LRRC4C: variants seen among roughly 807,000 people sequenced by gnomAD.
The protein encoded by LRRC4C is leucine-rich repeat-containing protein 4C.
Under a neutral mutation model 33.6 loss-of-function variants are expected in LRRC4C, and 5 were observed. The ratio of observed to expected loss-of-function variants is 0.15; its 90% CI spans 0.08 to 0.31. LRRC4C has a LOEUF of 0.31. Ranked by LOEUF, LRRC4C falls within the 10% of genes least tolerant of loss-of-function variation. The pLI is 1.00. For synonymous variants in LRRC4C, 329 were observed against 302.0 expected (o/e 1.09, Z -0.93); for missense variants, 560 against 796.7 (o/e 0.70, Z 3.58).
chr11:41,107,184 T>A (rs971921123), intron 1 of LRRC4C, among the ~76,000 whole-genome samples: 1 of 151,866 alleles, frequency 6.6e-6, no homozygotes, highest in Non-Finnish European at 1.5e-5. Flanking sequence ...ATGTTGGTAC[T>A]CAAAAAAGTT....
chr11:40,252,334 G>A (rs935648943), intron 4 of LRRC4C, among the ~76,000 whole-genome samples: 1 of 151,364 alleles, frequency 6.6e-6, no homozygotes, highest in African/African-American at 2.4e-5. Context: ...ACACATATAT[G>A]TATATACATA....
chr11:40,727,878 A>G (rs1015486449), intron 2 of LRRC4C, among the ~76,000 whole-genome samples: 7 of 151,928 alleles, frequency 4.6e-5, no homozygotes, highest in African/African-American at 1.7e-4. Flanking sequence ...GCAAAACCCT[A>G]TCTCTACTAA....
At chr11:40,139,552 C>A (rs1440824709) in intron 6 of LRRC4C, among the ~76,000 whole-genome samples, 1 of 152,046 alleles carries the variant, frequency 6.6e-6, no homozygotes, top group Non-Finnish European at 1.5e-5. Context: ...TTCAGGCGAA[C>A]CCCAAATTAG....
intron 1 of LRRC4C, among the ~76,000 whole-genome samples, chr11:40,999,361 C>G (rs1219294894): frequency 3.9e-5 from 6 of 152,122 alleles, no homozygotes; most frequent in South Asian, 2.1e-4. Context: ...AATTAAAACT[C>G]TACTACGGAC....
intron 1 of LRRC4C, among the ~76,000 whole-genome samples, chr11:41,390,785 G>A (rs1341068433): frequency 6.6e-6 from 1 of 151,782 alleles, no homozygotes; most frequent in Non-Finnish European, 1.5e-5. Flanking sequence ...TTTCTTTGAT[G>A]TATGTGCTTG....
intron 2 of LRRC4C, among the ~76,000 whole-genome samples, chr11:40,651,097 C>A (rs142155348): frequency 2.5e-4 from 38 of 152,306 alleles, no homozygotes; most frequent in African/African-American, 9.1e-4. Context: ...AAATTTACTC[C>A]TCTTCCTAAC....
chr11:41,041,919 G>T (rs1857462660), intron 1 of LRRC4C, among the ~76,000 whole-genome samples: 1 of 152,058 alleles, frequency 6.6e-6, no homozygotes, highest in Non-Finnish European at 1.5e-5. Context: ...AAATTTTGTG[G>T]ATCTGATTTG....
At chr11:40,437,513 C>A (rs1951193603) in intron 3 of LRRC4C, among the ~76,000 whole-genome samples, 1 of 151,708 alleles carries the variant, frequency 6.6e-6, no homozygotes, top group Non-Finnish European at 1.5e-5. Context: ...CCTGCCTCAG[C>A]CTCCTGGGTA....
intron 2 of LRRC4C, among the ~76,000 whole-genome samples, chr11:40,823,443 TAAAA>T (rs1952028338): frequency 6.6e-6 from 1 of 151,212 alleles, no homozygotes; most frequent in Admixed American, 6.6e-5. Context: ...ATGAAGAAAA[TAAAA>T]AGGGAAGCAA....
At chr11:40,433,621 C>T (rs1236955583) in intron 3 of LRRC4C, among the ~76,000 whole-genome samples, 1 of 152,174 alleles carries the variant, frequency 6.6e-6, no homozygotes, top group East Asian at 1.9e-4. Flanking sequence ...AGTTTTGCCT[C>T]TCAGCAGCAG....
intron 1 of LRRC4C, among the ~76,000 whole-genome samples, chr11:41,064,782 C>T (rs1048777842): frequency 6.6e-6 from 1 of 152,200 alleles, no homozygotes; most frequent in African/African-American, 2.4e-5. Context: ...GGAGCAGAAG[C>T]AGGGTGGGGC....
At chr11:41,009,196 C>T (rs1854989905) in intron 1 of LRRC4C, among the ~76,000 whole-genome samples, 1 of 151,738 alleles carries the variant, frequency 6.6e-6, no homozygotes, top group African/African-American at 2.4e-5. Context: ...GTAAATTTGA[C>T]ATTGTTTTGA....
chr11:41,250,258 A>C (rs1053095083), intron 1 of LRRC4C, among the ~76,000 whole-genome samples: 1 of 152,218 alleles, frequency 6.6e-6, no homozygotes, highest in African/African-American at 2.4e-5. Flanking sequence ...TAGTTGTTTC[A>C]CAAAAGTTAG....
At chr11:41,448,761 C>T (rs1955923686) in intron 1 of LRRC4C, among the ~76,000 whole-genome samples, 1 of 152,152 alleles carries the variant, frequency 6.6e-6, no homozygotes, top group Admixed American at 6.5e-5. Flanking sequence ...TTTGTCCTGA[C>T]ATTTGCTATA....
chr11:40,871,679 C>T (rs1484380420), intron 2 of LRRC4C, among the ~76,000 whole-genome samples: 4 of 152,220 alleles, frequency 2.6e-5, no homozygotes, highest in South Asian at 4.1e-4. Context: ...TCAGAGTTAT[C>T]TCTTCCACCT....
At chr11:41,120,546 C>A (rs896855302) in intron 1 of LRRC4C, among the ~76,000 whole-genome samples, 1 of 152,128 alleles carries the variant, frequency 6.6e-6, no homozygotes, top group African/African-American at 2.4e-5. Flanking sequence ...ATTTCTTGTG[C>A]TCCTCACTGT....
intron 1 of LRRC4C, among the ~76,000 whole-genome samples, chr11:41,454,012 C>T (rs1192454803): frequency 2.0e-5 from 3 of 151,992 alleles, no homozygotes; most frequent in Non-Finnish European, 4.4e-5. Context: ...TGGATCTTGT[C>T]TTTCTTCTCA....
intron 1 of LRRC4C, among the ~76,000 whole-genome samples, chr11:41,309,642 T>C (rs1315016000): frequency 1.3e-5 from 2 of 152,190 alleles, no homozygotes; most frequent in African/African-American, 4.8e-5. Flanking sequence ...TTGAAATATA[T>C]AGAAATTATA....
At chr11:41,085,272 A>G (rs1037072320) in intron 1 of LRRC4C, among the ~76,000 whole-genome samples, 2 of 152,116 alleles carry the variant, frequency 1.3e-5, no homozygotes, top group African/African-American at 4.8e-5. Flanking sequence ...AAAAAAGTAA[A>G]CACCACGTCA....
Sources: gnomAD v4.1 joint callset for allele counts (sites outside exome capture counted in the v4.1 genomes callset) on GRCh38, gnomAD v4.1.1 for gene constraint, MANE v1.5 for transcripts, NCBI Gene and HGNC (gene_info 2026-07-23, HGNC 2026-07-21) for gene names.